ILDR2: variants seen among roughly 807,000 people sequenced by gnomAD.
The protein encoded by ILDR2 is immunoglobulin like domain containing receptor 2.
Under a neutral mutation model 66.8 loss-of-function variants are expected in ILDR2, and 25 were observed. That is an observed-to-expected ratio of 0.37 (90% CI 0.27 to 0.52). ILDR2 has a LOEUF of 0.52. ILDR2 is among the 20% of genes least tolerant of loss of function. ILDR2 has a pLI of 0.88. For synonymous variants in ILDR2, 367 were observed against 357.2 expected (o/e 1.03, Z -0.31); for missense variants, 827 against 876.8 (o/e 0.94, Z 0.72).
In ILDR2 at chr1:166,916,442, G is replaced by C. The variant is rs1659646877; in HGVS notation, c.*2913C>G. 1 of 151,944 alleles carries C rather than the reference G, an allele frequency of 6.6e-6. No individual in the cohort carries two copies. The highest frequency in any genetic ancestry group is 2.1e-4 in the South Asian group (1 of 4,806). The allele number at this position is 151,944 out of a possible 1,614,324, so 9.4% of individuals were successfully genotyped here. On this transcript the variant is annotated 3_prime_UTR_variant, in exon 10 of 10. Transcript: ENST00000271417. Reference sequence around the variant, plus strand: ...TCTTATTTCCCCTATTAAATTACGGGGTCCTAGTGGACAGAGATTATGTCT... The same window carrying C: ...TCTTATTTCCCCTATTAAATTACGGCGTCCTAGTGGACAGAGATTATGTCT...
chr1:166,933,494 A>G (rs537417256), intron 6 of ILDR2: 1 of 940,292 alleles, frequency 1.1e-6, no homozygotes, highest in African/African-American at 1.8e-5. Context: ...GAACTACCTT[A>G]CCTTGACATT....
intron 2 of ILDR2, among the ~76,000 whole-genome samples, chr1:166,957,063 G>A (rs749317240): frequency 5.3e-5 from 8 of 152,180 alleles, no homozygotes; most frequent in Non-Finnish European, 1.2e-4. Context: ...TCTAAGGAAG[G>A]ACAATTAGAG....
At chr1:166,932,394 A>C (rs1660689047) in intron 6 of ILDR2, among the ~76,000 whole-genome samples, 1 of 152,226 alleles carries the variant, frequency 6.6e-6, no homozygotes, top group Admixed American at 6.5e-5. Context: ...AGAAGAGTAA[A>C]GGGACAGGAA....
intron 8 of ILDR2, among the ~76,000 whole-genome samples, chr1:166,922,139 C>G (rs1659985083): frequency 6.6e-6 from 1 of 151,892 alleles, no homozygotes; most frequent in South Asian, 2.1e-4. Flanking sequence ...GGGAGATGGC[C>G]AGGCATGATG....
At chr1:166,972,944 T>C (rs1001811215) in intron 1 of ILDR2, among the ~76,000 whole-genome samples, 2 of 152,190 alleles carry the variant, frequency 1.3e-5, no homozygotes, top group African/African-American at 4.8e-5. Context: ...TCTGAATTCA[T>C]CTCCTCCTTG....
chr1:166,903,633 C>T (rs1006647225), downstream of ILDR2, among the ~76,000 whole-genome samples: 3 of 152,314 alleles, frequency 2.0e-5, no homozygotes, highest in African/African-American at 7.2e-5. Flanking sequence ...GCCTAGCACT[C>T]TGGCATCTTT....
rs1209108993 is a variant in ILDR2, at chr1:166,909,787, A to T, written c.*9568T>A. 7.7e-6 allele frequency: 1 copy of T among 130,254 alleles called. No individual in the cohort carries two copies. Among genetic ancestry groups the T allele is most frequent in the Non-Finnish European group, 1.6e-5 (1 of 62,876 alleles). The allele number at this position is 130,254 out of a possible 1,614,324, so 8.1% of individuals were successfully genotyped here. ...TATATATAAATATATATATTTATATATATATATATATATATATATCCTTCT... is the reference window on the plus strand; with the variant it reads ...TATATATAAATATATATATTTATATTTATATATATATATATATATCCTTCT... On this transcript the variant is annotated 3_prime_UTR_variant, in exon 10 of 10. Transcript: ENST00000271417.
At chr1:166,925,165 T>C (rs1384248719) in intron 7 of ILDR2, among the ~76,000 whole-genome samples, 4 of 152,208 alleles carry the variant, frequency 2.6e-5, no homozygotes, top group African/African-American at 9.6e-5. Context: ...AGCAAATTCA[T>C]GAGCCTGGAC....
rs1435101361 is a variant in ILDR2 at position 166,918,010 on chromosome 1, A to G, written c.*1345T>C. ...GTTGGGCTACTGGCTAAATCAAATC[A>G]CATAGCCAACTCCAGATTCAAGGGG... is the stretch of plus-strand genomic sequence containing the variant. On this transcript the variant is annotated 3_prime_UTR_variant, in exon 10 of 10. Coordinates refer to ENST00000271417, the MANE Select transcript of ILDR2 (RefSeq NM_199351.3). The G allele has an allele frequency of 1.3e-5, 2 of 152,200 alleles. No individual in the cohort carries two copies. Among genetic ancestry groups the G allele is most frequent in the Non-Finnish European group, 2.9e-5 (2 of 68,040 alleles). 9.4% of individuals were successfully genotyped at this position (152,200 alleles called of 1,614,324 possible).
chr1:166,944,509 C>T (rs1448016692), intron 3 of ILDR2, among the ~76,000 whole-genome samples: 2 of 152,150 alleles, frequency 1.3e-5, no homozygotes, highest in African/African-American at 4.8e-5. Context: ...CAGGTTCTGC[C>T]TGGTCATGGG....
intron 7 of ILDR2, among the ~76,000 whole-genome samples, chr1:166,926,036 C>T (rs954392548): frequency 6.6e-6 from 1 of 152,118 alleles, no homozygotes; most frequent in African/African-American, 2.4e-5. Context: ...TTTTTATAGT[C>T]GGTGTGGTGG....
At chr1:166,946,990 T>C (rs1351192498) in intron 3 of ILDR2, among the ~76,000 whole-genome samples, 2 of 152,226 alleles carry the variant, frequency 1.3e-5, no homozygotes, top group East Asian at 3.8e-4. Context: ...TATGGGCTAA[T>C]TGAAAGGCAT....
At chr1:166,941,263 G>T (rs999254898) in intron 3 of ILDR2, among the ~76,000 whole-genome samples, 26 of 152,304 alleles carry the variant, frequency 1.7e-4, no homozygotes, top group African/African-American at 6.3e-4. Context: ...GACATGGTAA[G>T]ATTGCTCTGC....
At chr1:166,933,416 C>A in intron 6 of ILDR2, 1 of 215,388 alleles carries the variant, frequency 4.6e-6, no homozygotes, top group Non-Finnish European at 7.9e-6. Flanking sequence ...CTCAGGATAA[C>A]AGAAGAAAAG....
Position 166,936,542 on chromosome 1 carries a change from T to TA in ILDR2, c.703+48dup. On this transcript the variant is annotated intron_variant, in intron 5 of 9. Coordinates refer to ENST00000271417, the MANE Select transcript of ILDR2 (RefSeq NM_199351.3). The surrounding 1 kb of genome is among the most constrained non-coding windows in gnomAD (Gnocchi z 5.0). ...CGCACACAGCTGTCAGGTAGAGAGGTAGACATTTCTCTCGATCGCTCTGTC... is the reference window on the plus strand; with the variant it reads ...CGCACACAGCTGTCAGGTAGAGAGGTAAGACATTTCTCTCGATCGCTCTGTC... 1 of 1,612,108 alleles carries TA rather than the reference T, an allele frequency of 6.2e-7. No individual in the cohort carries two copies.
chr1:166,975,036 TCACA>T (rs67253020), intron 1 of ILDR2, among the ~76,000 whole-genome samples, 183 bp downstream of exon 1: 56,903 of 148,838 alleles, frequency 0.38, 10,838 homozygotes, highest in Middle Eastern at 0.52. Context: ...TCTCTCTCTC[TCACA>T]CACACACACA....
At chr1:166,924,222 A>C (rs983468952) in intron 7 of ILDR2, among the ~76,000 whole-genome samples, 1 of 152,188 alleles carries the variant, frequency 6.6e-6, no homozygotes, top group African/African-American at 2.4e-5. Context: ...ATTTTAAGGA[A>C]AATAACTCAG....
At chr1:166,935,182 C>G (rs1432230681) in intron 6 of ILDR2, 119 bp downstream of exon 6, 1 of 1,005,710 alleles carries the variant, frequency 9.9e-7, no homozygotes, top group Non-Finnish European at 1.5e-6. Flanking sequence ...GATCCCATTT[C>G]TGGAACAGAG....
chr1:166,942,059 G>T (rs1044235943), intron 3 of ILDR2, among the ~76,000 whole-genome samples: 6 of 152,048 alleles, frequency 3.9e-5, no homozygotes, highest in African/African-American at 1.4e-4. Flanking sequence ...TCCCTTTCAG[G>T]GTCTCAGTTT....
Sources: allele counts gnomAD v4.1 joint callset (sites outside exome capture counted in the v4.1 genomes callset), GRCh38; gene constraint gnomAD v4.1.1; non-coding constraint Gnocchi (gnomAD v3.1); transcripts MANE v1.5; gene names NCBI Gene and HGNC (gene_info 2026-07-23, HGNC 2026-07-21).